Variants in ARHGEF9 observed in about 807,000 individuals in gnomAD.
ARHGEF9 encodes Cdc42 guanine nucleotide exchange factor 9, also known as rho guanine nucleotide exchange factor 9.
In ARHGEF9, 2 loss-of-function variants were observed where a neutral mutation model predicts 41.3. The ratio of observed to expected loss-of-function variants is 0.05; its 90% CI spans 0.02 to 0.15. ARHGEF9 has a LOEUF of 0.15. ARHGEF9 is among the 10% of genes least tolerant of loss of function. The probability of loss-of-function intolerance (pLI) is 1.00; values close to 1 mark genes in which losing one functional copy is unlikely to be tolerated. For missense variants in ARHGEF9, 225 were observed against 424.7 expected, an observed-to-expected ratio of 0.53 and a Z score of 4.13; for synonymous variants, 160 against 154.4, an observed-to-expected ratio of 1.04 and a Z score of -0.27.
chrX:63,744,823 C>A (rs781788218), intron 1 of ARHGEF9, among the ~76,000 whole-genome samples: 1 of 112,342 alleles, frequency 8.9e-6, no homozygotes, highest in South Asian at 3.7e-4. Context: ...CAGCTGGTTG[C>A]ATGCTCCAAA....
At chrX:63,742,956 C>T (rs2055046678) in intron 1 of ARHGEF9, among the ~76,000 whole-genome samples, 1 of 112,160 alleles carries the variant, frequency 8.9e-6, no homozygotes, top group Admixed American at 9.4e-5. Context: ...ATGCTTAGAG[C>T]CAGGTGTGGT....
chrX:63,711,966 G>A (rs2052961024), intron 2 of ARHGEF9, among the ~76,000 whole-genome samples: 1 of 112,201 alleles, frequency 8.9e-6, no homozygotes, highest in South Asian at 3.6e-4. Flanking sequence ...CAAAATATCT[G>A]AATAGACATT....
intron 7 of ARHGEF9, 110 bp downstream of exon 7, chrX:63,665,776 C>T (rs1352318492): frequency 2.8e-5 from 27 of 979,918 alleles, no homozygotes; most frequent in Non-Finnish European, 3.7e-5. Flanking sequence ...TGTCTGTTTT[C>T]CCCCCATCAG....
intron 3 of ARHGEF9, among the ~76,000 whole-genome samples, chrX:63,703,833 T>A (rs185074641): frequency 9.0e-6 from 1 of 111,727 alleles, no homozygotes; most frequent in East Asian, 2.8e-4. Flanking sequence ...GAAGATGATA[T>A]TTGAGCAAAG....
intron 1 of ARHGEF9, among the ~76,000 whole-genome samples, chrX:63,746,118 C>T (rs1233853987): frequency 4.5e-5 from 5 of 111,636 alleles, no homozygotes; most frequent in Non-Finnish European, 9.4e-5. Context: ...AATCCTAGGG[C>T]TCCTAAGGCC....
chrX:63,780,915 T>C (rs1433014314), intron 1 of ARHGEF9, among the ~76,000 whole-genome samples: 1 of 111,653 alleles, frequency 9.0e-6, no homozygotes, highest in African/African-American at 3.3e-5. Flanking sequence ...TGGTACTATA[T>C]GTTCCAGCAT....
intron 8 of ARHGEF9, among the ~76,000 whole-genome samples, chrX:63,644,757 TTATTA>T (rs1556310660): frequency 1.0e-5 from 1 of 98,540 alleles, no homozygotes; most frequent in Non-Finnish European, 1.9e-5. Flanking sequence ...TCTATTATTA[TTATTA>T]TTTTTTTTTT....
intron 1 of ARHGEF9, among the ~76,000 whole-genome samples, chrX:63,747,274 C>T (rs1238583163): frequency 8.9e-6 from 1 of 111,983 alleles, no homozygotes; most frequent in Non-Finnish European, 1.9e-5. Flanking sequence ...GAATCTTCCC[C>T]ATCATTACAG....
intron 8 of ARHGEF9, among the ~76,000 whole-genome samples, chrX:63,651,042 C>G (rs782308828): frequency 6.3e-5 from 7 of 110,679 alleles, no homozygotes; most frequent in Non-Finnish European, 1.3e-4. Context: ...AAAGAAAACT[C>G]TACCATTTTC....
chrX:63,755,180 T>G (rs2055887833), intron 1 of ARHGEF9: 3 of 937,075 alleles, frequency 3.2e-6, no homozygotes, highest in South Asian at 1.2e-4. Flanking sequence ...GGCGCTTGCG[T>G]GAGGCGCGGC....
chrX:63,705,357 ATGTGTGTGTGTG>A (rs58549005), intron 3 of ARHGEF9, among the ~76,000 whole-genome samples: 50 of 82,100 alleles, frequency 6.1e-4, no homozygotes, highest in East Asian at 2.6e-3. Context: ...ATAAGAGAGA[ATGTGTGTGTGTG>A]TGTGTGTGTG....
chrX:63,648,934 T>C (rs1274910884), intron 8 of ARHGEF9, among the ~76,000 whole-genome samples: 7 of 109,652 alleles, frequency 6.4e-5, no homozygotes, highest in Non-Finnish European at 7.6e-5. Context: ...AATACAGGAG[T>C]ACCCAGATTC....
intron 7 of ARHGEF9, among the ~76,000 whole-genome samples, chrX:63,660,308 G>A (rs2049137883): frequency 9.0e-6 from 1 of 111,241 alleles, no homozygotes; most frequent in Non-Finnish European, 1.9e-5. Flanking sequence ...ACCAAATACC[G>A]CATGTTCTCG....
chrX:63,704,185 G>A (rs1441081420), intron 3 of ARHGEF9, among the ~76,000 whole-genome samples: 1 of 112,030 alleles, frequency 8.9e-6, no homozygotes, highest in Admixed American at 9.4e-5. Flanking sequence ...GCTACCAAGC[G>A]AAGAATAGAT....
At chrX:63,758,294 C>T (rs1458470068) in intron 1 of ARHGEF9, among the ~76,000 whole-genome samples, 3 of 111,046 alleles carry the variant, frequency 2.7e-5, no homozygotes, top group African/African-American at 9.9e-5. Flanking sequence ...GAGCAGCTAC[C>T]CTGACACTGT....
At chrX:63,701,300 A>G (rs1410911915) in intron 3 of ARHGEF9, among the ~76,000 whole-genome samples, 2 of 110,883 alleles carry the variant, frequency 1.8e-5, no homozygotes, top group Non-Finnish European at 3.8e-5. Context: ...AAATGAAGAC[A>G]TCGAAAAAGA....
chrX:63,785,104 A>G lies in ARHGEF9; in HGVS notation c.30+12T>C, dbSNP rs1569508497. The G allele has an allele frequency of 1.7e-6, 2 of 1,165,107 alleles. No individual in the cohort carries two copies. The highest frequency in any genetic ancestry group is 2.3e-6 in the Non-Finnish European group (2 of 871,952). ...GGCTCAAGCAAGGGAAGCCAAGGTT[A>G]CATGCACTCACCATTCCCGATCCGC... On this transcript the variant is annotated intron_variant, in intron 1 of 9. Transcript: ENST00000671741.
At chrX:63,643,909 G>T in intron 9 of ARHGEF9, 71 bp downstream of exon 9, 1 of 1,091,388 alleles carries the variant, frequency 9.2e-7, no homozygotes, top group Non-Finnish European at 1.3e-6. Context: ...ACAGAAATGG[G>T]CCTAAGAATA....
intron 4 of ARHGEF9, among the ~76,000 whole-genome samples, chrX:63,690,700 A>C (rs2051287016): frequency 8.9e-6 from 1 of 112,064 alleles, no homozygotes; most frequent in South Asian, 3.7e-4. Flanking sequence ...ACTACAGGCC[A>C]ATATTACTGG....
Sources: allele counts gnomAD v4.1 joint callset (sites outside exome capture counted in the v4.1 genomes callset), GRCh38; gene constraint gnomAD v4.1.1; transcripts MANE v1.5; gene names NCBI Gene and HGNC (gene_info 2026-07-23, HGNC 2026-07-21).